The following RAPGEF6 variants were observed in gnomAD, a reference collection of about 807,000 sequenced individuals.
RAPGEF6 encodes Rap guanine nucleotide exchange factor 6, also known as PDZ domain containing guanine nucleotide exchange factor (GEF) 2.
In RAPGEF6, 56 loss-of-function variants were observed where a neutral mutation model predicts 171.4. The observed-to-expected ratio is 0.33, with a 90% confidence interval of 0.26 to 0.41. The LOEUF (loss-of-function observed/expected upper bound fraction) is 0.41. Ranked by LOEUF, RAPGEF6 falls within the 10% of genes least tolerant of loss-of-function variation. The pLI, the probability that RAPGEF6 is intolerant of heterozygous loss-of-function variation, is 1.00. For missense variants in RAPGEF6, 1,674 were observed against 1,921.4 expected (o/e 0.87, Z 2.41); for synonymous variants, 692 against 650.1 (o/e 1.06, Z -0.98).
chr5:131,634,856 G>A, intron 1 of RAPGEF6, 106 bp downstream of exon 1: 1 of 1,252,454 alleles, frequency 8.0e-7, no homozygotes, highest in Non-Finnish European at 1.2e-6. Flanking sequence ...ATTCCCAGTA[G>A]CAGGTGCGAG....
chr5:131,590,422 T>A (rs935429018), intron 4 of RAPGEF6, among the ~76,000 whole-genome samples: 3 of 152,096 alleles, frequency 2.0e-5, no homozygotes, highest in Non-Finnish European at 4.4e-5. Flanking sequence ...AATAAAAAAA[T>A]CAAACTTCAC....
At chr5:131,489,773 A>G (rs1756159124) in intron 14 of RAPGEF6, 119 bp from the exon 15 acceptor site, 3 of 521,518 alleles carry the variant, frequency 5.8e-6, no homozygotes, top group South Asian at 6.8e-5. Context: ...TCCTATGTGA[A>G]CAACAGTTAT....
At chr5:131,563,098 C>T (rs1293403894) in intron 4 of RAPGEF6, among the ~76,000 whole-genome samples, 1 of 150,942 alleles carries the variant, frequency 6.6e-6, no homozygotes, top group Non-Finnish European at 1.5e-5. Flanking sequence ...TATACTAAGA[C>T]ACAAATGACT....
chr5:131,518,208 CAT>C (rs957516334), intron 7 of RAPGEF6, among the ~76,000 whole-genome samples: 2 of 151,480 alleles, frequency 1.3e-5, no homozygotes, highest in African/African-American at 4.9e-5. Context: ...CTACTTATCT[CAT>C]AGATATGATA....
intron 23 of RAPGEF6, chr5:131,439,998 C>T (rs572268710): frequency 3.5e-5 from 16 of 453,738 alleles, no homozygotes; most frequent in African/African-American, 2.4e-4. Flanking sequence ...GAGTGCTATG[C>T]CCCACCTCCC....
rs77495073 is a variant in RAPGEF6 at position 131,490,078 on chromosome 5, T to C, written c.1732-424A>G. ...TTTAAAGGGAGTACTCTAAATATAT[T>C]TAATATGATTTTCTGCCACTGATTG... On this transcript the variant is annotated intron_variant, in intron 14 of 27. Coordinates refer to ENST00000509018, the MANE Select transcript of RAPGEF6 (RefSeq NM_016340.6). Among the ~76,000 whole-genome samples, 666 of 152,290 alleles carry C rather than the reference T, an allele frequency of 4.4e-3. 7 individuals carry two copies. Among genetic ancestry groups the C allele is most frequent in the African/African-American group, 0.015 (629 of 41,564 alleles).
intron 14 of RAPGEF6, among the ~76,000 whole-genome samples, chr5:131,491,671 G>A (rs931143217): frequency 6.6e-6 from 1 of 152,174 alleles, no homozygotes. Flanking sequence ...TCTCATAGGA[G>A]TGTGAACCCT....
intron 4 of RAPGEF6, among the ~76,000 whole-genome samples, chr5:131,568,051 C>T (rs1762055249): frequency 6.6e-6 from 1 of 152,194 alleles, no homozygotes; most frequent in African/African-American, 2.4e-5. Context: ...TCCTTTTCAA[C>T]TTATTTGTGC....
intron 22 of RAPGEF6, among the ~76,000 whole-genome samples, chr5:131,445,491 C>CTGTGTGTGTGTGTGTGTGTGTGTG (rs1447178128): frequency 1.2e-5 from 1 of 80,814 alleles, no homozygotes; most frequent in African/African-American, 8.5e-5. Flanking sequence ...TTAACTCACT[C>CTGTGTGTGTGTGTGTGTGTGTGTG]TCTGTGTGTG....
chr5:131,470,120 C>T (rs1420436349), intron 17 of RAPGEF6, among the ~76,000 whole-genome samples: 2 of 151,898 alleles, frequency 1.3e-5, no homozygotes, highest in African/African-American at 4.8e-5. Context: ...ATATCCATCA[C>T]TAGATAAAAA....
chr5:131,616,329 A>T (rs1765262199), intron 1 of RAPGEF6, among the ~76,000 whole-genome samples: 1 of 152,204 alleles, frequency 6.6e-6, no homozygotes, highest in Admixed American at 6.5e-5. Context: ...TTAGTTGTTA[A>T]ATGAAAATAA....
chr5:131,600,826 G>A (rs907325948), intron 3 of RAPGEF6, among the ~76,000 whole-genome samples: 1 of 152,026 alleles, frequency 6.6e-6, no homozygotes, highest in African/African-American at 2.4e-5. Context: ...CCAAACTTTT[G>A]GAGGAGAAAC....
chr5:131,536,410 C>A (rs941795037), intron 6 of RAPGEF6, among the ~76,000 whole-genome samples: 1 of 152,116 alleles, frequency 6.6e-6, no homozygotes, highest in African/African-American at 2.4e-5. Flanking sequence ...AAACTGCATA[C>A]CTATTCCTCA....
At chr5:131,479,052 T>G (rs1266786134) in intron 16 of RAPGEF6, among the ~76,000 whole-genome samples, 2 of 152,132 alleles carry the variant, frequency 1.3e-5, no homozygotes, top group African/African-American at 4.8e-5. Flanking sequence ...ATTTAAAATC[T>G]TCAAGTATTA....
At chr5:131,545,719 T>C (rs1760479506) in intron 6 of RAPGEF6, among the ~76,000 whole-genome samples, 1 of 152,224 alleles carries the variant, frequency 6.6e-6, no homozygotes, top group African/African-American at 2.4e-5. Flanking sequence ...CTGAAATATA[T>C]CCTTTTTAGG....
chr5:131,511,481 C>CTTTTTTTTTTTTTTTTTTTTTTTTTTT (rs55782171), intron 7 of RAPGEF6, among the ~76,000 whole-genome samples: 1 of 137,328 alleles, frequency 7.3e-6, no homozygotes, highest in Non-Finnish European at 1.5e-5. Context: ...AAAAGATCAT[C>CTTTTTTTTTTTTTTTTTTTTTTTTTTT]TTTTTTTTTT....
At chr5:131,596,430 C>T (rs1202637866) in intron 3 of RAPGEF6, among the ~76,000 whole-genome samples, 1 of 151,154 alleles carries the variant, frequency 6.6e-6, no homozygotes, top group African/African-American at 2.4e-5. Flanking sequence ...CTGGAGTGCC[C>T]AAGCTTGTAA....
At chr5:131,500,240 G>A (rs1446047299) in intron 11 of RAPGEF6, among the ~76,000 whole-genome samples, 1 of 152,158 alleles carries the variant, frequency 6.6e-6, no homozygotes, top group East Asian at 1.9e-4. Flanking sequence ...CGTTTCTCTA[G>A]AAGGAACTCA....
At chr5:131,632,355 C>T (rs1766367165) in intron 1 of RAPGEF6, among the ~76,000 whole-genome samples, 1 of 152,052 alleles carries the variant, frequency 6.6e-6, no homozygotes, top group African/African-American at 2.4e-5. Context: ...CTCCATATAC[C>T]CCTATAGTTA....
Sources: allele counts gnomAD v4.1 joint callset (sites outside exome capture counted in the v4.1 genomes callset), GRCh38; gene constraint gnomAD v4.1.1; transcripts MANE v1.5; gene names NCBI Gene and HGNC (gene_info 2026-07-23, HGNC 2026-07-21).